The following GRIN1 variants were observed in gnomAD, a reference collection of about 807,000 sequenced individuals.
The protein encoded by GRIN1 is glutamate receptor ionotropic, NMDA 1.
GRIN1 carries 38 observed loss-of-function variants against 103.0 expected under a neutral mutation model. The ratio of observed to expected loss-of-function variants is 0.37; its 90% CI spans 0.28 to 0.48. The LOEUF (loss-of-function observed/expected upper bound fraction) is 0.48. Among genes scored for constraint, GRIN1 ranks in the 20% least tolerant of loss-of-function variants. The pLI is 0.98. For synonymous variants in GRIN1, 544 were observed against 532.7 expected (o/e 1.02, Z -0.29); for missense variants, 577 against 1,288.9 (o/e 0.45, Z 8.46).
intron 2 of GRIN1, among the ~76,000 whole-genome samples, chr9:137,143,346 C>T (rs537923636): frequency 2.0e-5 from 3 of 152,380 alleles, no homozygotes; most frequent in South Asian, 2.1e-4. Context: ...AAAGCCCTGG[C>T]GTGCCCCCTC....
At chr9:137,149,192 T>C (rs1480426899) in intron 4 of GRIN1, 83 bp downstream of exon 4, 3 of 975,758 alleles carry the variant, frequency 3.1e-6, no homozygotes, top group East Asian at 2.6e-5. Flanking sequence ...AGCTGGGACA[T>C]TGTTGGGCAC....
chr9:137,151,144 GA>G (rs1234307553), intron 4 of GRIN1, among the ~76,000 whole-genome samples: 1 of 121,980 alleles, frequency 8.2e-6, no homozygotes, highest in East Asian at 2.8e-4. Context: ...GCCCTGCCCA[GA>G]AAAAGTCCCG....
chr9:137,141,455 G>A (rs1011057137), intron 1 of GRIN1, among the ~76,000 whole-genome samples: 20 of 152,226 alleles, frequency 1.3e-4, no homozygotes, highest in African/African-American at 4.3e-4. Flanking sequence ...AGCACTCAAA[G>A]TAAGGGCTTG....
Position 137,168,218 on chromosome 9 carries a change from C to T in GRIN1, c.*691C>T, listed in dbSNP as rs916629075. ...TGAGCCACAGTGGGGCCCATGGCCC[C>T]AGCTGGCTGGGTCGCCCCTCCTCGG... On this transcript the variant is annotated 3_prime_UTR_variant, in exon 20 of 20. Coordinates refer to ENST00000371561, the MANE Select transcript of GRIN1 (RefSeq NM_007327.4). The T allele has an allele frequency of 6.2e-6, 2 of 323,660 alleles. No individual in the cohort carries two copies. Among genetic ancestry groups the T allele is most frequent in the Non-Finnish European group, 1.2e-5 (2 of 173,776 alleles). The allele number at this position is 323,660 out of a possible 1,614,324, so 20.0% of individuals were successfully genotyped here. A position where few individuals can be genotyped will look rare whatever the true frequency, so the allele number is the denominator to read the frequency against.
Position 137,167,437 on chromosome 9 carries a change from G to C in GRIN1, c.2727G>C (p.Leu909Phe). 6.4e-7 allele frequency: 1 copy of C among 1,560,488 alleles called. No homozygotes were observed. The highest frequency in any genetic ancestry group is 8.7e-7 in the Non-Finnish European group (1 of 1,152,376). ...DTSTGGGRGA[L>F]QNQKDTVLPR... ...GCACCGGGGGTGGACGCGGCGCTTT[G>C]CAAAACCAAAAAGACACAGTGCTGC... is the stretch of plus-strand genomic sequence containing the variant. Residue 909 changes from leucine to phenylalanine, a missense_variant, in exon 20 of 20, where the codon TTG becomes TTC. Physicochemically the swap from Leu to Phe is conservative, Grantham distance 22. Around this residue, in one of 9 missense-constraint regions of GRIN1, gnomAD observed 68 missense variants for 113.0 expected, o/e 0.60. Coordinates refer to ENST00000371561, the MANE Select transcript of GRIN1 (RefSeq NM_007327.4).
At chr9:137,147,875 GGAC>G (rs1431191222) in intron 3 of GRIN1, among the ~76,000 whole-genome samples, 4 of 152,188 alleles carry the variant, frequency 2.6e-5, no homozygotes, top group Non-Finnish European at 4.4e-5. Context: ...TCCGAACGGT[GGAC>G]GCGGACAGGG....
At chr9:137,161,261 C>A in intron 9 of GRIN1, 28 bp from the exon 10 acceptor site, 4 of 1,611,420 alleles carry the variant, frequency 2.5e-6, no homozygotes, top group Non-Finnish European at 3.4e-6. Context: ...GGTCTGGAGC[C>A]CAGCAGTTAC....
chr9:137,153,757 C>G (rs1182614242), intron 4 of GRIN1, among the ~76,000 whole-genome samples: 1 of 152,204 alleles, frequency 6.6e-6, no homozygotes, highest in African/African-American at 2.4e-5. Flanking sequence ...CCATACCCCA[C>G]ACATATGCAT....
At chr9:137,167,088 G>A (rs560056313) in intron 19 of GRIN1, among the ~76,000 whole-genome samples, 9 of 152,288 alleles carry the variant, frequency 5.9e-5, no homozygotes, top group Admixed American at 3.9e-4. Context: ...ACCAGGGACC[G>A]TCCTCTGGGG....
At position 137,148,865 on chromosome 9, in the gene GRIN1, G is replaced by T. The variant is rs997286759; in HGVS notation, c.571-144G>T. On this transcript the variant is annotated intron_variant, in intron 3 of 19. Coordinates refer to ENST00000371561, the MANE Select transcript of GRIN1 (RefSeq NM_007327.4). ...GCCAGGCAAGGACTGAGGAAGGCAG[G>T]CGGAGGCGCAGGTGGCAGGCGCAGA... 4 of 695,556 alleles carry T rather than the reference G, an allele frequency of 5.8e-6. No homozygotes were observed. In the Admixed American group the frequency reaches 6.1e-5, roughly 11 times the overall value. 43.1% of individuals were successfully genotyped at this position (695,556 alleles called of 1,614,324 possible). A position where few individuals can be genotyped will look rare whatever the true frequency, so the allele number is the denominator to read the frequency against.
At chr9:137,162,333 C>T (rs1260524845) in intron 12 of GRIN1, 43 bp downstream of exon 12, 2 of 1,548,548 alleles carry the variant, frequency 1.3e-6, no homozygotes, top group Non-Finnish European at 1.7e-6. Flanking sequence ...CTGCGGGGCG[C>T]GGAGCCGGCC....
In GRIN1 at chr9:137,168,025, G is replaced by A. The variant is rs1427036344; in HGVS notation, c.*498G>A. ...CCCTGCTGGACCAAGGTGCGGACCG[G>A]AGCGGCTGAGGACGGGGCAGAGCTG... On this transcript the variant is annotated 3_prime_UTR_variant, in exon 20 of 20. Transcript: ENST00000371561. 3.0e-6 allele frequency: 2 copies of A among 667,172 alleles called. No homozygotes were observed. The highest frequency in any genetic ancestry group is 2.2e-5 in the Admixed American group (1 of 45,984). The allele number at this position is 667,172 out of a possible 1,614,324, so 41.3% of individuals were successfully genotyped here.
Position 137,168,509 on chromosome 9 carries a change from G to T in GRIN1, c.*982G>T. 4.6e-6 allele frequency: 1 copy of T among 218,964 alleles called. No homozygotes were observed. The highest frequency in any genetic ancestry group is 1.0e-4 in the East Asian group (1 of 9,736). The allele number at this position is 218,964 out of a possible 1,614,324, so 13.6% of individuals were successfully genotyped here. A position where few individuals can be genotyped will look rare whatever the true frequency, so the allele number is the denominator to read the frequency against. On this transcript the variant is annotated 3_prime_UTR_variant, in exon 20 of 20. Transcript: ENST00000371561. ...GGTCCCCGGACGCTGGCTCGGGACT[G>T]TCTTCAACCCTGCCCTGCACCTTGG...
Position 137,139,460 on chromosome 9 carries a change from G to C in GRIN1, c.-27G>C. On this transcript the variant is annotated 5_prime_UTR_variant, in exon 1 of 20. Transcript: ENST00000371561. The surrounding 1 kb of genome is among the most constrained non-coding windows in gnomAD (Gnocchi z 7.7). ...GCCGAGGGCCCCGCGTTCGCGCCGC[G>C]CAGAGCCAGGCCCGCGGCCCGAGCC... is the stretch of plus-strand genomic sequence containing the variant. 1 of 1,514,210 alleles carries C rather than the reference G, an allele frequency of 6.6e-7. No homozygotes were observed. The highest frequency in any genetic ancestry group is 8.8e-7 in the Non-Finnish European group (1 of 1,131,158). The allele number at this position is 1,514,210 out of a possible 1,614,324, so 93.8% of individuals were successfully genotyped here.
rs1323655363 is a variant in GRIN1, at chr9:137,145,892, G to A, written c.560G>A (p.Arg187His). The A allele has an allele frequency of 5.0e-6, 8 of 1,603,310 alleles. No homozygotes were observed. The highest frequency in any genetic ancestry group is 2.3e-5 in the East Asian group (1 of 44,388). Residue 187 changes from arginine to histidine, a missense_variant, in exon 3 of 20, where the codon CGT (arginine) becomes CAT (histidine). Physicochemically the swap from Arg to His is conservative, Grantham distance 29. This residue lies in a region of GRIN1 where 308 missense variants were observed against 553.6 expected (regional missense o/e 0.56). Transcript: ENST00000371561. ...QKRLETLLEE[R>H]ESKAEKVLQF... ...CGCCTGGAGACGCTGCTGGAGGAGC[G>A]TGAGTCCAAGGTGAGGGTCGGCGCC...
At chr9:137,141,449 C>A (rs191495982) in intron 1 of GRIN1, among the ~76,000 whole-genome samples, 1 of 152,320 alleles carries the variant, frequency 6.6e-6, no homozygotes, top group African/African-American at 2.4e-5. Flanking sequence ...GAGGCCAGCA[C>A]TCAAAGTAAG....
chr9:137,141,203 A>G (rs762184266), intron 1 of GRIN1, among the ~76,000 whole-genome samples: 3 of 152,170 alleles, frequency 2.0e-5, no homozygotes, highest in Non-Finnish European at 2.9e-5. Flanking sequence ...GCACGCCCCC[A>G]TTCGCCAAAG....
intron 4 of GRIN1, among the ~76,000 whole-genome samples, chr9:137,153,221 G>GCACACATGCCACATACCACGTGTA (rs1297222359): frequency 6.9e-5 from 10 of 145,430 alleles, no homozygotes; most frequent in South Asian, 2.2e-4. Context: ...ATACACATGT[G>GCACACATGCCACATACCACGTGTA]CACACATGCC....
In GRIN1 at chr9:137,139,465, G is replaced by A; in HGVS notation, c.-22G>A. 2.6e-6 allele frequency: 4 copies of A among 1,539,934 alleles called. No individual in the cohort carries two copies. The highest frequency in any genetic ancestry group is 1.2e-5 in the South Asian group (1 of 84,308). On this transcript the variant is annotated 5_prime_UTR_variant, in exon 1 of 20. Transcript: ENST00000371561. The surrounding 1 kb of genome is among the most constrained non-coding windows in gnomAD (Gnocchi z 7.7). The stretch of plus-strand genomic sequence containing the variant: ...GGGCCCCGCGTTCGCGCCGCGCAGA[G>A]CCAGGCCCGCGGCCCGAGCCCATGA...
Sources: allele counts gnomAD v4.1 joint callset (sites outside exome capture counted in the v4.1 genomes callset), GRCh38; gene constraint gnomAD v4.1.1; regional missense constraint gnomAD v4.1.1; non-coding constraint Gnocchi (gnomAD v3.1); transcripts MANE v1.5; gene names NCBI Gene and HGNC (gene_info 2026-07-23, HGNC 2026-07-21).